SGCZ: variants seen among roughly 807,000 people sequenced by gnomAD.
The protein encoded by SGCZ is zeta-sarcoglycan.
Under a neutral mutation model 41.3 loss-of-function variants are expected in SGCZ, and 40 were observed. That is an observed-to-expected ratio of 0.97 (90% CI 0.75 to 1.26). SGCZ has a LOEUF of 1.26. SGCZ is among the 50% of genes most tolerant of loss of function. SGCZ has a pLI of 0.00. For synonymous variants in SGCZ, 206 were observed against 137.5 expected, an observed-to-expected ratio of 1.50 and a Z score of -3.49; for missense variants, 552 against 369.8, an observed-to-expected ratio of 1.49 and a Z score of -4.04.
chr8:14,435,159 C>G (rs1424380729), intron 2 of SGCZ, among the ~76,000 whole-genome samples: 3 of 152,120 alleles, frequency 2.0e-5, no homozygotes, highest in Admixed American at 2.0e-4. Flanking sequence ...AACGCTGCAG[C>G]TGCAATCACC....
intron 3 of SGCZ, among the ~76,000 whole-genome samples, chr8:14,274,909 C>T (rs765353079): frequency 1.3e-5 from 2 of 152,068 alleles, no homozygotes; most frequent in Non-Finnish European, 2.9e-5. Context: ...ACCCTACATT[C>T]ATTTGTTCCA....
intron 1 of SGCZ, among the ~76,000 whole-genome samples, chr8:14,791,829 T>G (rs764428527): frequency 2.0e-5 from 3 of 152,196 alleles, no homozygotes; most frequent in Non-Finnish European, 4.4e-5. Context: ...GACATTCTGT[T>G]TTAAAAATTA....
intron 2 of SGCZ, among the ~76,000 whole-genome samples, chr8:14,490,390 G>C (rs544344023): frequency 3.9e-5 from 6 of 152,110 alleles, no homozygotes; most frequent in African/African-American, 1.4e-4. Flanking sequence ...TAGAAATATG[G>C]ACTTTCTTTG....
At chr8:14,465,191 C>T (rs1004581556) in intron 2 of SGCZ, among the ~76,000 whole-genome samples, 1 of 151,650 alleles carries the variant, frequency 6.6e-6, no homozygotes, top group Non-Finnish European at 1.5e-5. Flanking sequence ...TTTTGTACAA[C>T]TGTCTGTTTG....
intron 1 of SGCZ, among the ~76,000 whole-genome samples, chr8:14,783,012 T>A (rs905221129): frequency 1.3e-5 from 2 of 152,224 alleles, no homozygotes; most frequent in Non-Finnish European, 2.9e-5. Context: ...AATTTATGTA[T>A]TTACTTGGAG....
chr8:14,959,868 G>A (rs1800908783), intron 1 of SGCZ, among the ~76,000 whole-genome samples: 1 of 152,150 alleles, frequency 6.6e-6, no homozygotes. Context: ...AACATACAGG[G>A]AGCAGGTAAT....
intron 1 of SGCZ, among the ~76,000 whole-genome samples, chr8:14,962,281 T>C (rs1457079900): frequency 6.6e-6 from 1 of 152,096 alleles, no homozygotes; most frequent in Non-Finnish European, 1.5e-5. Context: ...CCTTAATATA[T>C]TATACCATGC....
At chr8:14,356,101 C>G (rs573605033) in intron 2 of SGCZ, among the ~76,000 whole-genome samples, 12 of 152,280 alleles carry the variant, frequency 7.9e-5, no homozygotes, top group African/African-American at 2.9e-4. Flanking sequence ...CACACAAACA[C>G]CAGAGTGGAC....
chr8:14,473,034 T>C (rs553817052), intron 2 of SGCZ, among the ~76,000 whole-genome samples: 1 of 152,222 alleles, frequency 6.6e-6, no homozygotes, highest in African/African-American at 2.4e-5. Context: ...TATTTTACAT[T>C]TCATGGGTCT....
At chr8:14,876,446 G>A (rs1187490352) in intron 1 of SGCZ, among the ~76,000 whole-genome samples, 1 of 151,982 alleles carries the variant, frequency 6.6e-6, no homozygotes, top group Non-Finnish European at 1.5e-5. Context: ...GAAACTAGAG[G>A]AACAACAGCT....
At chr8:14,345,390 T>G (rs1243031553) in intron 2 of SGCZ, among the ~76,000 whole-genome samples, 1 of 152,142 alleles carries the variant, frequency 6.6e-6, no homozygotes, top group Non-Finnish European at 1.5e-5. Flanking sequence ...GATATATGTA[T>G]GTCCTCTGAC....
At chr8:15,004,532 C>T (rs1016413424) in intron 1 of SGCZ, among the ~76,000 whole-genome samples, 1 of 152,168 alleles carries the variant, frequency 6.6e-6, no homozygotes, top group Non-Finnish European at 1.5e-5. Flanking sequence ...ATCATAAAAA[C>T]CCAATGCAGA....
chr8:14,222,289 C>T (rs1171208156), intron 4 of SGCZ, among the ~76,000 whole-genome samples: 1 of 151,920 alleles, frequency 6.6e-6, no homozygotes, highest in African/African-American at 2.4e-5. Context: ...TCTGCCTCAG[C>T]CTCCCGAGTA....
At chr8:14,735,338 G>A (rs1245874487) in intron 1 of SGCZ, among the ~76,000 whole-genome samples, 1 of 152,188 alleles carries the variant, frequency 6.6e-6, no homozygotes, top group Non-Finnish European at 1.5e-5. Context: ...CTCGATGTGG[G>A]TGGGCACCAT....
chr8:14,140,664 T>G (rs1803340914), intron 5 of SGCZ, among the ~76,000 whole-genome samples: 1 of 151,974 alleles, frequency 6.6e-6, no homozygotes, highest in African/African-American at 2.4e-5. Context: ...CTCAACAAGA[T>G]AAAAGAGGAA....
chr8:14,992,562 T>G (rs2130896872), intron 1 of SGCZ, among the ~76,000 whole-genome samples: 1 of 151,506 alleles, frequency 6.6e-6, no homozygotes, highest in East Asian at 2.0e-4. Flanking sequence ...CATTGATATT[T>G]ACCCCTCACC....
intron 1 of SGCZ, among the ~76,000 whole-genome samples, chr8:14,709,094 T>C (rs922632948): frequency 6.6e-6 from 1 of 152,178 alleles, no homozygotes; most frequent in Non-Finnish European, 1.5e-5. Context: ...AAAATTTGAA[T>C]TCTATCCCTT....
chr8:15,195,936 C>T (rs1282290516), intron 1 of SGCZ, among the ~76,000 whole-genome samples: 7 of 111,292 alleles, frequency 6.3e-5, no homozygotes, highest in South Asian at 5.9e-4. Context: ...CTCGCTCTGT[C>T]GCCCAGGCTG....
intron 1 of SGCZ, among the ~76,000 whole-genome samples, chr8:15,146,049 G>A (rs17575313): frequency 0.066 from 10,082 of 152,128 alleles, 451 homozygotes; most frequent in Non-Finnish European, 0.1. Flanking sequence ...GCCATGAATA[G>A]GAGACGGGAA....
Sources: gnomAD v4.1 joint callset for allele counts (sites outside exome capture counted in the v4.1 genomes callset) on GRCh38, gnomAD v4.1.1 for gene constraint, MANE v1.5 for transcripts, NCBI Gene and HGNC (gene_info 2026-07-23, HGNC 2026-07-21) for gene names.